The following PTPRN2 variants were observed in gnomAD, a reference collection of about 807,000 sequenced individuals.
PTPRN2 encodes the protein receptor-type tyrosine-protein phosphatase N2.
PTPRN2 carries 74 observed loss-of-function variants against 118.8 expected under a neutral mutation model. The observed-to-expected ratio is 0.62, with a 90% CI of 0.52 to 0.76. The LOEUF is 0.76. Ranked by LOEUF, PTPRN2 falls within the 30% of genes least tolerant of loss-of-function variation. The probability of loss-of-function intolerance (pLI) is 0.00; values close to 1 mark genes in which losing one functional copy is unlikely to be tolerated. For synonymous variants in PTPRN2, 641 were observed against 608.0 expected, an observed-to-expected ratio of 1.05 and a Z score of -0.80; for missense variants, 1,481 against 1,394.4, an observed-to-expected ratio of 1.06 and a Z score of -0.99.
At chr7:157,658,509 A>G (rs1406167809) in intron 13 of PTPRN2, among the ~76,000 whole-genome samples, 1 of 151,952 alleles carries the variant, frequency 6.6e-6, no homozygotes, top group Non-Finnish European at 1.5e-5. Context: ...TCAACCACAC[A>G]CGCGGTGGGC....
At chr7:158,327,247 G>A (rs1803679697) in intron 2 of PTPRN2, among the ~76,000 whole-genome samples, 1 of 147,680 alleles carries the variant, frequency 6.8e-6, no homozygotes, top group African/African-American at 2.5e-5. Flanking sequence ...CCACATACAT[G>A]CACACATTCT....
chr7:157,666,077 T>G (rs1446163379), intron 13 of PTPRN2, among the ~76,000 whole-genome samples: 1 of 151,516 alleles, frequency 6.6e-6, no homozygotes, highest in East Asian at 1.9e-4. Flanking sequence ...GGCACATGTA[T>G]ACATATGTAA....
intron 2 of PTPRN2, among the ~76,000 whole-genome samples, chr7:158,380,728 C>G (rs1252021281): frequency 6.6e-6 from 1 of 152,250 alleles, no homozygotes; most frequent in East Asian, 1.9e-4. Flanking sequence ...GGTTCCAACT[C>G]CACATTTCCC....
chr7:158,517,753 G>GGCCTCCAGAT lies in PTPRN2; in HGVS notation c.113-27978_113-27969dup, dbSNP rs1161995459. On this transcript the variant is annotated intron_variant, in intron 1 of 22. Transcript: ENST00000389418. This position sits in a 1 kb window ranked among gnomAD's most constrained non-coding sequence, Gnocchi z 5.3. Reference sequence around the variant, plus strand: ...GACTCATCCCCACCATAGCCAGGCAGGCCTCCAGATGCCTCCAGACTCATC... The same window carrying GGCCTCCAGAT: ...GACTCATCCCCACCATAGCCAGGCAGGCCTCCAGATGCCTCCAGATGCCTCCAGACTCATC... Among the ~76,000 whole-genome samples the GGCCTCCAGAT allele has an allele frequency of 6.6e-6, 1 of 151,238 alleles. No individual in the cohort carries two copies. Among genetic ancestry groups the GGCCTCCAGAT allele is most frequent in the South Asian group, 2.1e-4 (1 of 4,764 alleles).
intron 12 of PTPRN2, among the ~76,000 whole-genome samples, chr7:157,725,772 C>G (rs1894801): frequency 5.1e-4 from 34 of 66,324 alleles, no homozygotes; most frequent in Middle Eastern, 0.016. Flanking sequence ...ACGCAGAGGA[C>G]TGCGGCCAGA....
At chr7:157,790,448 A>C (rs1804415229) in intron 12 of PTPRN2, among the ~76,000 whole-genome samples, 1 of 152,094 alleles carries the variant, frequency 6.6e-6, no homozygotes, top group Non-Finnish European at 1.5e-5. Flanking sequence ...TGCAGGTATT[A>C]AATCGTGTTT....
chr7:157,901,408 G>A (rs1163445943), intron 11 of PTPRN2, among the ~76,000 whole-genome samples: 1 of 152,166 alleles, frequency 6.6e-6, no homozygotes, highest in Non-Finnish European at 1.5e-5. Context: ...CAGATACAGA[G>A]TTGCAGGCGT....
intron 11 of PTPRN2, among the ~76,000 whole-genome samples, chr7:157,971,442 G>C (rs1322884718): frequency 6.6e-6 from 1 of 152,204 alleles, no homozygotes; most frequent in Non-Finnish European, 1.5e-5. Flanking sequence ...AGCTCTTGCT[G>C]TAATGAGCGC....
In PTPRN2 at chr7:158,167,255, C is replaced by A; in HGVS notation, c.586G>T (p.Val196Leu). The change falls in exon 6 of 23, where the codon GTG becomes TTG. Residue 196 changes from valine (V) to leucine (L), a missense_variant. Val to Leu is a conservative substitution (Grantham distance 32, BLOSUM62 1). Transcript: ENST00000389418. Reference protein sequence around the residue: ...DRFSESILTYVAHTSALTYPP... With the variant: ...DRFSESILTYLAHTSALTYPP... ...TAGGTCAGCGCAGACGTGTGGGCCA[C>A]ATAGGTCAGGATGCTCTCGGAGAAG... 6.2e-7 allele frequency: 1 copy of A among 1,611,490 alleles called. No individual in the cohort carries two copies. Among genetic ancestry groups the A allele is most frequent in the Non-Finnish European group, 8.5e-7 (1 of 1,179,016 alleles).
chr7:158,193,617 G>T (rs148375426), intron 4 of PTPRN2, among the ~76,000 whole-genome samples: 2 of 151,986 alleles, frequency 1.3e-5, no homozygotes, highest in African/African-American at 4.8e-5. Context: ...ACGGGGCAGC[G>T]TCTCAGCCTG....
intron 6 of PTPRN2, among the ~76,000 whole-genome samples, chr7:158,144,375 C>A (rs766617624): frequency 3.3e-5 from 5 of 152,164 alleles, no homozygotes. Context: ...CGGTGGCTCA[C>A]ACCCGTAATC....
At chr7:157,972,126 A>C (rs1174913208) in intron 11 of PTPRN2, among the ~76,000 whole-genome samples, 2 of 152,194 alleles carry the variant, frequency 1.3e-5, no homozygotes, top group African/African-American at 2.4e-5. Context: ...CTATCAAGGC[A>C]GAAGAAAATG....
chr7:158,538,522 A>G (rs1346231776), intron 1 of PTPRN2, among the ~76,000 whole-genome samples: 1 of 152,080 alleles, frequency 6.6e-6, no homozygotes, highest in African/African-American at 2.4e-5. Context: ...GGCTTCTATA[A>G]TGCGTGTGTG....
chr7:158,300,597 C>T (rs1441885947), intron 3 of PTPRN2, among the ~76,000 whole-genome samples: 1 of 152,278 alleles, frequency 6.6e-6, no homozygotes, highest in African/African-American at 2.4e-5. Context: ...CCTCGCCCCC[C>T]ACGTGTCTGT....
intron 3 of PTPRN2, among the ~76,000 whole-genome samples, chr7:158,269,937 G>A (rs1798197297): frequency 6.6e-6 from 1 of 152,154 alleles, no homozygotes; most frequent in South Asian, 2.1e-4. Context: ...CAGAGATAGA[G>A]AGACACAGGG....
intron 14 of PTPRN2, among the ~76,000 whole-genome samples, chr7:157,642,844 A>G (rs1474012655): frequency 7.2e-6 from 1 of 139,844 alleles, no homozygotes; most frequent in African/African-American, 2.7e-5. Flanking sequence ...AAAAAAAAAA[A>G]GCAGCTAAAA....
chr7:157,545,203 G>C (rs1006781882), intron 22 of PTPRN2, among the ~76,000 whole-genome samples: 3 of 149,984 alleles, frequency 2.0e-5, no homozygotes, highest in African/African-American at 7.4e-5. Flanking sequence ...GTGGGTGTGT[G>C]TGCAATGTGT....
intron 3 of PTPRN2, among the ~76,000 whole-genome samples, chr7:158,221,184 A>C (rs1828339644): frequency 6.6e-6 from 1 of 152,080 alleles, no homozygotes; most frequent in Non-Finnish European, 1.5e-5. Context: ...TTGAAACTTG[A>C]CTCCTTCCTT....
chr7:158,189,178 A>C (rs1444465933), intron 5 of PTPRN2, among the ~76,000 whole-genome samples: 1 of 152,144 alleles, frequency 6.6e-6, no homozygotes, highest in Admixed American at 6.5e-5. Flanking sequence ...TAATGTGTGG[A>C]TGTTGCGGCT....
Sources: allele counts gnomAD v4.1 joint callset (sites outside exome capture counted in the v4.1 genomes callset), GRCh38; gene constraint gnomAD v4.1.1; non-coding constraint Gnocchi (gnomAD v3.1); transcripts MANE v1.5; gene names NCBI Gene and HGNC (gene_info 2026-07-23, HGNC 2026-07-21).